The following MID2 variants were observed in gnomAD, a reference collection of about 807,000 sequenced individuals.
The protein encoded by MID2 is midline 2, also known as probable E3 ubiquitin-protein ligase MID2.
In MID2, 13 loss-of-function variants were observed where a neutral mutation model predicts 46.1. The observed-to-expected ratio is 0.28, with a 90% CI of 0.18 to 0.45. The LOEUF is 0.45. Among genes scored for constraint, MID2 ranks in the 20% least tolerant of loss-of-function variants. MID2 has a pLI of 1.00. For missense variants in MID2, 431 were observed against 575.4 expected (o/e 0.75, Z 2.57); for synonymous variants, 199 against 212.3 (o/e 0.94, Z 0.55).
At chrX:107,896,814 A>T (rs185731529) in intron 3 of MID2, among the ~76,000 whole-genome samples, 159 of 108,617 alleles carry the variant, frequency 1.5e-3, no homozygotes, top group East Asian at 4.0e-3. Context: ...TCTCTCTCTC[A>T]CACACACACA....
chrX:107,843,889 C>T (rs1196392102), intron 2 of MID2, among the ~76,000 whole-genome samples: 1 of 110,007 alleles, frequency 9.1e-6, no homozygotes, highest in Non-Finnish European at 1.9e-5. Context: ...ATGGGAGAGT[C>T]TGCCTGAGTA....
chrX:107,840,938 T>A lies in MID2; in HGVS notation c.273T>A (p.Asp91Glu), dbSNP rs762224840. 2 of 1,211,555 alleles carry A rather than the reference T, an allele frequency of 1.7e-6. No homozygotes were observed. The highest frequency in any genetic ancestry group is 2.2e-6 in the Non-Finnish European group (2 of 895,471). Residue 91 changes from aspartate to glutamate, a missense_variant, in exon 2 of 10, where the codon GAT (aspartate) becomes GAA (glutamate). Asp to Glu is a conservative substitution (Grantham distance 45). Transcript: ENST00000262843. ...YVISLNHRGL[D>E]GLKRNVTLQN... is the part of the protein sequence containing the mutation. ...TCTCGCTGAACCACCGGGGCCTGGA[T>A]GGCCTCAAGAGGAATGTGACTCTGC...
intron 3 of MID2, among the ~76,000 whole-genome samples, chrX:107,885,386 T>C (rs186426345): frequency 0.018 from 1,985 of 107,466 alleles, 50 homozygotes; most frequent in African/African-American, 0.063. Flanking sequence ...GTTTTTTGTC[T>C]TTGCGATAGT....
intron 3 of MID2, among the ~76,000 whole-genome samples, chrX:107,862,464 A>G (rs1168814830): frequency 8.9e-6 from 1 of 112,159 alleles, no homozygotes; most frequent in Admixed American, 9.5e-5. Context: ...ATGTGACTCC[A>G]CCTAGCCCAC....
chrX:107,874,531 C>T (rs1343197007), intron 3 of MID2, among the ~76,000 whole-genome samples: 1 of 112,007 alleles, frequency 8.9e-6, no homozygotes, highest in African/African-American at 3.2e-5. Flanking sequence ...TGTTAGCACT[C>T]CCAGGGCCAT....
chrX:107,920,400 T>C (rs1336094094), intron 7 of MID2, among the ~76,000 whole-genome samples: 1 of 112,379 alleles, frequency 8.9e-6, no homozygotes, highest in Non-Finnish European at 1.9e-5. Context: ...CCAACAGATA[T>C]TTGAGTGTGT....
chrX:107,840,104 GAAAAACTTAT>G (rs781305659), intron 1 of MID2, among the ~76,000 whole-genome samples: 2 of 112,431 alleles, frequency 1.8e-5, no homozygotes, highest in South Asian at 7.4e-4. Context: ...ACACTCTGAG[GAAAAACTTAT>G]TATCCTGCAC....
intron 3 of MID2, among the ~76,000 whole-genome samples, chrX:107,899,041 T>C (rs756110341): frequency 1.8e-5 from 2 of 110,753 alleles, no homozygotes; most frequent in East Asian, 2.8e-4. Context: ...ATAGGACTGA[T>C]GGATGTGACT....
intron 1 of MID2, among the ~76,000 whole-genome samples, chrX:107,840,409 T>C (rs866546897): frequency 2.2e-4 from 25 of 112,197 alleles, no homozygotes; most frequent in Middle Eastern, 9.1e-3. Context: ...GCTGGAATGG[T>C]AATGTTAATC....
At chrX:107,878,538 A>G (rs1159332057) in intron 3 of MID2, among the ~76,000 whole-genome samples, 1 of 112,796 alleles carries the variant, frequency 8.9e-6, no homozygotes, top group Non-Finnish European at 1.9e-5. Context: ...ATTTCAAACC[A>G]TAGAAGAAGA....
At chrX:107,869,351 C>A (rs1467391623) in intron 3 of MID2, among the ~76,000 whole-genome samples, 1 of 111,414 alleles carries the variant, frequency 9.0e-6, no homozygotes, top group Admixed American at 9.5e-5. Flanking sequence ...CATTCTTACG[C>A]CAATACCTTA....
At chrX:107,841,925 A>G (rs891322726) in intron 2 of MID2, among the ~76,000 whole-genome samples, 1 of 112,513 alleles carries the variant, frequency 8.9e-6, no homozygotes, top group African/African-American at 3.2e-5. Context: ...AAGAAACAAA[A>G]GTTTGGCATT....
intron 2 of MID2, among the ~76,000 whole-genome samples, chrX:107,851,382 C>G (rs1290712260): frequency 9.0e-6 from 1 of 111,508 alleles, no homozygotes; most frequent in East Asian, 2.8e-4. Context: ...TTTATCAATC[C>G]TCATATTTCT....
In MID2 at chrX:107,876,450, C is replaced by T. The variant is rs753598576; in HGVS notation, c.816+21746C>T. 4.5e-5 allele frequency among the ~76,000 whole-genome samples: 5 copies of T among 111,485 alleles called. No homozygotes were observed. In the Admixed American group the frequency reaches 4.8e-4, roughly 11 times the overall value. Reference sequence around the variant, plus strand: ...GCCTCTCCAGAAAGGCAGTAGGATTCTCATCAAATCCCTGGTCTGTCACGG... The same window carrying T: ...GCCTCTCCAGAAAGGCAGTAGGATTTTCATCAAATCCCTGGTCTGTCACGG... On this transcript the variant is annotated intron_variant, in intron 3 of 9. Coordinates refer to ENST00000262843, the MANE Select transcript of MID2 (RefSeq NM_012216.4).
chrX:107,900,246 C>G (rs2147861020), intron 3 of MID2, among the ~76,000 whole-genome samples: 1 of 111,289 alleles, frequency 9.0e-6, no homozygotes, highest in East Asian at 2.8e-4. Context: ...AATACACTCA[C>G]TGGAGTATAT....
intron 3 of MID2, among the ~76,000 whole-genome samples, chrX:107,878,116 C>A (rs1369086259): frequency 9.0e-6 from 1 of 111,623 alleles, no homozygotes; most frequent in Non-Finnish European, 1.9e-5. Flanking sequence ...GAGCTGAACT[C>A]CTCAGCCAGA....
At chrX:107,868,494 GGAATGCAAAGCCTCTAGGAGAGGACTGAT>G (rs1932002334) in intron 3 of MID2, among the ~76,000 whole-genome samples, 1 of 111,386 alleles carries the variant, frequency 9.0e-6, no homozygotes. Context: ...AGAAGAGGAT[GGAATGCAAAGCCTCTAGGAGAGGACTGAT>G]GAACTTTCTA....
intron 2 of MID2, among the ~76,000 whole-genome samples, chrX:107,852,243 C>G (rs1028769709): frequency 1.8e-5 from 2 of 112,059 alleles, no homozygotes; most frequent in African/African-American, 6.5e-5. Context: ...CCGGAACATC[C>G]TGCCCCCATG....
At chrX:107,857,930 G>C (rs1310727420) in intron 3 of MID2, among the ~76,000 whole-genome samples, 1 of 111,409 alleles carries the variant, frequency 9.0e-6, no homozygotes, top group Non-Finnish European at 1.9e-5. Flanking sequence ...ACTGGAATAG[G>C]GTATTTTCCT....
Sources: allele counts gnomAD v4.1 joint callset (sites outside exome capture counted in the v4.1 genomes callset), GRCh38; gene constraint gnomAD v4.1.1; transcripts MANE v1.5; gene names NCBI Gene and HGNC (gene_info 2026-07-23, HGNC 2026-07-21).